Variants in RAPGEF6 observed in about 807,000 individuals in gnomAD.
The protein encoded by RAPGEF6 is PDZ domain containing guanine nucleotide exchange factor (GEF) 2.
A neutral mutation model predicts 171.4 loss-of-function variants in RAPGEF6; 56 were observed. The ratio of observed to expected loss-of-function variants is 0.33; its 90% CI spans 0.26 to 0.41. The LOEUF (loss-of-function observed/expected upper bound fraction) is 0.41, where lower values mean the gene tolerates loss of function less well. Among genes scored for constraint, RAPGEF6 ranks in the 10% least tolerant of loss-of-function variants. The pLI, the probability that RAPGEF6 is intolerant of heterozygous loss-of-function variation, is 1.00. For synonymous variants in RAPGEF6, 692 were observed against 650.1 expected (o/e 1.06, Z -0.98); for missense variants, 1,674 against 1,921.4 (o/e 0.87, Z 2.41).
chr5:131,487,624 T>C (rs1446579456), intron 15 of RAPGEF6, among the ~76,000 whole-genome samples: 4 of 152,060 alleles, frequency 2.6e-5, no homozygotes, highest in Admixed American at 6.6e-5. Context: ...AGAGCGCTGA[T>C]TGGTGTGTTT....
chr5:131,600,347 C>T (rs1425213663), intron 3 of RAPGEF6, among the ~76,000 whole-genome samples: 2 of 152,090 alleles, frequency 1.3e-5, no homozygotes, highest in Non-Finnish European at 2.9e-5. Context: ...TGTGGTGAAA[C>T]CCCATCTCTA....
chr5:131,492,537 T>C (rs1040743263), intron 14 of RAPGEF6, 45 bp downstream of exon 14: 1 of 1,571,554 alleles, frequency 6.4e-7, no homozygotes, highest in Non-Finnish European at 8.8e-7. Flanking sequence ...GCAGGCATAA[T>C]ACTTTTAAGA....
chr5:131,594,012 T>C (rs568101508), intron 3 of RAPGEF6, among the ~76,000 whole-genome samples: 12 of 152,324 alleles, frequency 7.9e-5, no homozygotes, highest in African/African-American at 1.9e-4. Flanking sequence ...CAAATGTTAA[T>C]AGCCAACACA....
chr5:131,620,615 C>T (rs538303949), intron 1 of RAPGEF6, among the ~76,000 whole-genome samples: 1 of 149,694 alleles, frequency 6.7e-6, no homozygotes, highest in East Asian at 2.0e-4. Context: ...TTTTGAGACA[C>T]AGTCTCACTC....
intron 4 of RAPGEF6, among the ~76,000 whole-genome samples, chr5:131,572,502 T>A (rs893986802): frequency 1.3e-5 from 2 of 152,200 alleles, no homozygotes; most frequent in African/African-American, 4.8e-5. Context: ...TCCCTTGGTG[T>A]CTGATCACCA....
intron 5 of RAPGEF6, among the ~76,000 whole-genome samples, chr5:131,552,199 T>C (rs1760964195): frequency 1.3e-5 from 2 of 151,786 alleles, no homozygotes; most frequent in African/African-American, 4.8e-5. Context: ...CCCAAACAGC[T>C]ACACCCTCAT....
In RAPGEF6 at chr5:131,580,217, G is replaced by A. The variant is rs182901941; in HGVS notation, c.281+12166C>T. Among the ~76,000 whole-genome samples, 679 of 152,302 alleles carry A rather than the reference G, an allele frequency of 4.5e-3. 7 individuals are homozygous for A. Among genetic ancestry groups the A allele is most frequent in the Non-Finnish European group, 6.7e-3 (453 of 68,000 alleles). ...GAGGCCTGGTGAGAATTCGAGCGTG[G>A]CATGGGCAGGCCGGCAGTGCTGGGG... On this transcript the variant is annotated intron_variant, in intron 4 of 27. Transcript: ENST00000509018.
At chr5:131,614,883 C>T (rs1300762880) in intron 1 of RAPGEF6, among the ~76,000 whole-genome samples, 2 of 152,208 alleles carry the variant, frequency 1.3e-5, no homozygotes, top group Non-Finnish European at 2.9e-5. Flanking sequence ...AGAATCCTTT[C>T]AGTAAATTAT....
intron 17 of RAPGEF6, among the ~76,000 whole-genome samples, chr5:131,470,426 T>G (rs2149845118): frequency 6.6e-6 from 1 of 152,324 alleles, no homozygotes; most frequent in East Asian, 1.9e-4. Context: ...CTTCTCTTTG[T>G]TCCTCCAGCT....
At chr5:131,513,285 T>A (rs1757862196) in intron 7 of RAPGEF6, among the ~76,000 whole-genome samples, 1 of 152,186 alleles carries the variant, frequency 6.6e-6, no homozygotes, top group African/African-American at 2.4e-5. Context: ...AAAGCAGTAT[T>A]TTCTACACAA....
At chr5:131,550,400 T>A (rs1461525558) in intron 5 of RAPGEF6, among the ~76,000 whole-genome samples, 2 of 152,234 alleles carry the variant, frequency 1.3e-5, no homozygotes, top group African/African-American at 4.8e-5. Flanking sequence ...ATCTTACATG[T>A]ACAATCCTGG....
In RAPGEF6 at chr5:131,521,524, GA is replaced by G. The variant is rs750658751; in HGVS notation, c.496-4del. ...ATCTTGGTAAGATCAGCTGGAAGCT[GA>G]AAAAAAAAATAATTTAAGTTATTCT... On this transcript the variant is annotated splice_region_variant and splice_polypyrimidine_tract_variant and intron_variant, in intron 6 of 27. Transcript: ENST00000509018. The G allele has an allele frequency of 1.2e-3, 1,808 of 1,476,144 alleles. No individual in the cohort carries two copies. Among genetic ancestry groups the G allele is most frequent in the Admixed American group, 2.8e-3 (134 of 48,506 alleles). 91.4% of individuals were successfully genotyped at this position (1,476,144 alleles called of 1,614,324 possible).
At chr5:131,551,992 G>A (rs1399167292) in intron 5 of RAPGEF6, among the ~76,000 whole-genome samples, 2 of 151,980 alleles carry the variant, frequency 1.3e-5, no homozygotes, top group Admixed American at 6.6e-5. Context: ...GAATCCAAAT[G>A]CCAAGAATGA....
At chr5:131,583,436 C>A (rs538581770) in intron 4 of RAPGEF6, among the ~76,000 whole-genome samples, 2 of 152,326 alleles carry the variant, frequency 1.3e-5, no homozygotes, top group East Asian at 3.9e-4. Flanking sequence ...TGCAGACCAA[C>A]AATGTCACTG....
At chr5:131,568,994 A>T (rs1235930070) in intron 4 of RAPGEF6, among the ~76,000 whole-genome samples, 4 of 152,232 alleles carry the variant, frequency 2.6e-5, no homozygotes, top group Non-Finnish European at 4.4e-5. Flanking sequence ...AATCCTATTA[A>T]GAAGAATAAA....
intron 4 of RAPGEF6, among the ~76,000 whole-genome samples, chr5:131,581,167 C>T (rs928074985): frequency 6.6e-6 from 1 of 152,110 alleles, no homozygotes; most frequent in Non-Finnish European, 1.5e-5. Context: ...CTAGAACCGC[C>T]GAGGCCTTGA....
intron 19 of RAPGEF6, among the ~76,000 whole-genome samples, chr5:131,458,724 G>A (rs1206146958): frequency 6.6e-6 from 1 of 152,184 alleles, no homozygotes; most frequent in Non-Finnish European, 1.5e-5. Context: ...CATGATCTTG[G>A]CTTACTGCAA....
At chr5:131,509,562 C>T (rs1358102253) in intron 8 of RAPGEF6, among the ~76,000 whole-genome samples, 1 of 151,290 alleles carries the variant, frequency 6.6e-6, no homozygotes, top group Non-Finnish European at 1.5e-5. Flanking sequence ...AATAAGAGTA[C>T]ACACAAAACA....
At chr5:131,459,110 C>T (rs530364933) in intron 19 of RAPGEF6, among the ~76,000 whole-genome samples, 1 of 152,204 alleles carries the variant, frequency 6.6e-6, no homozygotes, top group Non-Finnish European at 1.5e-5. Context: ...ACTTCAGCAA[C>T]TAAAACAGTA....
Sources: gnomAD v4.1 joint callset for allele counts (sites outside exome capture counted in the v4.1 genomes callset) on GRCh38, gnomAD v4.1.1 for gene constraint, MANE v1.5 for transcripts, NCBI Gene and HGNC (gene_info 2026-07-23, HGNC 2026-07-21) for gene names.